C12orf76: variants seen among roughly 807,000 people sequenced by gnomAD.
C12orf76 encodes uncharacterized protein C12orf76.
A neutral mutation model predicts 6.8 loss-of-function variants in C12orf76; 6 were observed. That is an observed-to-expected ratio of 0.88 (90% CI 0.48 to 1.73). The LOEUF is 1.73. Ranked by LOEUF, C12orf76 falls within the 40% of genes most tolerant of loss-of-function variation. The pLI, the probability that C12orf76 is intolerant of heterozygous loss-of-function variation, is 0.01. For synonymous variants in C12orf76, 56 were observed against 43.7 expected (o/e 1.28, Z -1.11); for missense variants, 99 against 98.2 (o/e 1.01, Z -0.03).
At chr12:110,050,179 G>A (rs1030364823), upstream of C12orf76, 11 of 152,196 alleles carry the variant, frequency 7.2e-5, no homozygotes, top group African/African-American at 2.4e-4. Context: ...ATTGAGCTAA[G>A]TGTTTGGCCC....
chr12:110,058,277 C>T (rs1892708213), intron 3 of C12orf76, among the ~76,000 whole-genome samples: 1 of 152,102 alleles, frequency 6.6e-6, no homozygotes, highest in Non-Finnish European at 1.5e-5. Flanking sequence ...TTAATTCTTT[C>T]TATGACAGTA....
upstream of C12orf76, among the ~76,000 whole-genome samples, chr12:110,070,863 C>T (rs1892953568): frequency 6.6e-6 from 1 of 152,184 alleles, no homozygotes; most frequent in African/African-American, 2.4e-5. Context: ...CAACCTCCAC[C>T]TCCCAGATTC....
upstream of C12orf76, among the ~76,000 whole-genome samples, chr12:110,069,643 T>C (rs1046474888): frequency 2.6e-5 from 4 of 152,152 alleles, no homozygotes; most frequent in African/African-American, 9.7e-5. Flanking sequence ...GTCATGTGGC[T>C]GAAAATTATG....
chr12:110,071,075 C>G (rs144950179), upstream of C12orf76, among the ~76,000 whole-genome samples: 122 of 152,240 alleles, frequency 8.0e-4, no homozygotes, highest in African/African-American at 2.7e-3. Flanking sequence ...ATGCCCGGCC[C>G]AGTGTATATG....
chr12:110,042,073 A>G lies in C12orf76; in HGVS notation c.*301T>C. The G allele has an allele frequency of 2.4e-6, 1 of 419,296 alleles. No homozygotes were observed. 26.0% of individuals were successfully genotyped at this position (419,296 alleles called of 1,614,324 possible). ...TCTTACAGGCACTCACAAGGTTACC[A>G]TGTTTTCTTTCTCATGAACACTCCA... is the stretch of plus-strand genomic sequence containing the variant. On this transcript the variant is annotated 3_prime_UTR_variant, in exon 2 of 2. Coordinates refer to ENST00000615315, the MANE Select transcript of C12orf76 (RefSeq NM_001389625.1).
intron 1 of C12orf76, among the ~76,000 whole-genome samples, chr12:110,045,232 A>T (rs971335200): frequency 6.6e-6 from 1 of 152,240 alleles, no homozygotes; most frequent in Non-Finnish European, 1.5e-5. Context: ...AATTGGACTT[A>T]AAGTTGTCTT....
chr12:110,069,721 T>C (rs1483163418), upstream of C12orf76, among the ~76,000 whole-genome samples: 1 of 150,712 alleles, frequency 6.6e-6, no homozygotes, highest in African/African-American at 2.4e-5. Flanking sequence ...CAGAGAATGA[T>C]GGAGGGAACC....
intron 3 of C12orf76, among the ~76,000 whole-genome samples, chr12:110,058,267 T>C (rs1892708092): frequency 6.6e-6 from 1 of 152,318 alleles, no homozygotes; most frequent in South Asian, 2.1e-4. Context: ...TAATATGTTA[T>C]TAATTCTTTC....
chr12:110,044,725 G>A (rs902407546), intron 1 of C12orf76, among the ~76,000 whole-genome samples: 21 of 152,034 alleles, frequency 1.4e-4, no homozygotes, highest in Non-Finnish European at 2.9e-4. Flanking sequence ...TGTAATCCCA[G>A]CACTTTGGGA....
rs1892719514 is a variant in C12orf76 at position 110,058,715 on chromosome 12, A to G, written n.556+273T>C. Among the ~76,000 whole-genome samples, 5 of 152,354 alleles carry G rather than the reference A, an allele frequency of 3.3e-5. No homozygotes were observed. In the South Asian group the frequency reaches 1.0e-3, roughly 32 times the overall value. ...AAGAACTGCCCATTTTGTAGGCCAT[A>G]GCTATAGAATACAGGCAGTTCCATA... On this transcript the variant is annotated intron_variant and non_coding_transcript_variant, in intron 3 of 4. Transcript: ENST00000309050.
At chr12:110,068,608 C>G (rs890985154), upstream of C12orf76, among the ~76,000 whole-genome samples, 5 of 152,236 alleles carry the variant, frequency 3.3e-5, no homozygotes, top group Non-Finnish European at 5.9e-5. Flanking sequence ...GCATCCCTGC[C>G]TCTGACTCCA....
exon 3 of C12orf76, chr12:110,059,006 CA>C: frequency 6.5e-7 from 1 of 1,548,920 alleles, no homozygotes; most frequent in Non-Finnish European, 8.7e-7. Context: ...AATAGCCGAA[CA>C]AACTGTGGTA....
chr12:110,066,054 G>A lies in C12orf76; in HGVS notation n.207-21C>T, dbSNP rs577151079. Reference sequence around the variant, plus strand: ...ATCACCTAGGTGTCAAGGGTGGGATGAGAATGTGGCAGACCTCATGTTTCT... The same window carrying A: ...ATCACCTAGGTGTCAAGGGTGGGATAAGAATGTGGCAGACCTCATGTTTCT... On this transcript the variant is annotated intron_variant and non_coding_transcript_variant, in intron 1 of 4. Transcript: ENST00000309050. 4.2e-4 allele frequency: 642 copies of A among 1,536,654 alleles called. 1 individual carries two copies. Among genetic ancestry groups the A allele is most frequent in the East Asian group, 5.8e-4 (25 of 42,938 alleles).
chr12:110,059,077 G>A (rs553653047), exon 3 of C12orf76: 79 of 1,551,684 alleles, frequency 5.1e-5, no homozygotes, highest in Middle Eastern at 3.3e-4. Flanking sequence ...AGCTCTGAAC[G>A]CAGCCATCTG....
chr12:110,042,397 A>G lies in C12orf76; in HGVS notation c.196T>C (p.Tyr66His). ...TGTCACCGACGCCGAATGGGCTTGT[A>G]GACACAAAATGCCATAAGGATGACA... ...VTVILMAFCVYKPIRRR is the reference protein window; with the variant it reads ...VTVILMAFCVHKPIRRR Residue 66 changes from tyrosine (Y) to histidine (H), a missense_variant, in exon 2 of 2, where the codon TAC becomes CAC. Coordinates refer to ENST00000615315, the MANE Select transcript of C12orf76 (RefSeq NM_001389625.1). The G allele has an allele frequency of 6.2e-7, 1 of 1,614,162 alleles. No individual in the cohort carries two copies. Among genetic ancestry groups the G allele is most frequent in the Non-Finnish European group, 8.5e-7 (1 of 1,179,970 alleles).
chr12:110,045,743 G>C (rs556375976), intron 1 of C12orf76, among the ~76,000 whole-genome samples: 3 of 151,962 alleles, frequency 2.0e-5, no homozygotes, highest in Non-Finnish European at 4.4e-5. Context: ...CAGATCACTT[G>C]AGATCAAGAC....
upstream of C12orf76, chr12:110,051,300 T>C (rs1292540103): frequency 1.4e-6 from 1 of 706,388 alleles, no homozygotes. Flanking sequence ...TTTCCCTCTC[T>C]GCACAATGGG....
intron 3 of C12orf76, among the ~76,000 whole-genome samples, chr12:110,058,661 C>T (rs1432138965): frequency 6.6e-6 from 1 of 151,982 alleles, no homozygotes; most frequent in Non-Finnish European, 1.5e-5. Flanking sequence ...CAGAGTGAGA[C>T]TCTCTCTCCA....
chr12:110,048,141 T>C (rs1892497664), intron 1 of C12orf76, among the ~76,000 whole-genome samples: 1 of 152,212 alleles, frequency 6.6e-6, no homozygotes, highest in African/African-American at 2.4e-5. Context: ...GCGAAGGTTC[T>C]GGCACATATT....
Sources: allele counts gnomAD v4.1 joint callset (sites outside exome capture counted in the v4.1 genomes callset), GRCh38; gene constraint gnomAD v4.1.1; transcripts MANE v1.5; gene names NCBI Gene and HGNC (gene_info 2026-07-23, HGNC 2026-07-21).